GALNT13: variants seen among roughly 807,000 people sequenced by gnomAD.
GALNT13 encodes UDP-GalNAc:polypeptide N-acetylgalactosaminyltransferase 13.
A neutral mutation model predicts 64.2 loss-of-function variants in GALNT13; 28 were observed. The ratio of observed to expected loss-of-function variants is 0.44; its 90% CI spans 0.32 to 0.60. GALNT13 has a LOEUF of 0.60. Ranked by LOEUF, GALNT13 falls within the 20% of genes least tolerant of loss-of-function variation. The probability of loss-of-function intolerance (pLI) is 0.05; values close to 1 mark genes in which losing one functional copy is unlikely to be tolerated. For synonymous variants in GALNT13, 214 were observed against 224.6 expected, an observed-to-expected ratio of 0.95 and a Z score of 0.42; for missense variants, 577 against 669.8, an observed-to-expected ratio of 0.86 and a Z score of 1.53.
At chr2:153,563,540 C>T in the GALNT13 span, among the ~76,000 whole-genome samples, 20 of 152,062 alleles carry the variant, frequency 1.3e-4, no homozygotes, top group East Asian at 7.7e-4. Flanking sequence ...CTGTGTGGAG[C>T]GGGTCCGGGT....
chr2:153,618,379 T>G, the GALNT13 span, among the ~76,000 whole-genome samples: 3 of 151,900 alleles, frequency 2.0e-5, no homozygotes, highest in African/African-American at 7.2e-5. Context: ...ATTGTGATCA[T>G]AGAAGATGTT....
At chr2:154,199,224 A>T (rs1028951919) in intron 4 of GALNT13, among the ~76,000 whole-genome samples, 3 of 151,924 alleles carry the variant, frequency 2.0e-5, no homozygotes, top group African/African-American at 7.2e-5. Context: ...TCTCAGATTT[A>T]TATCTAAATT....
chr2:153,083,352 T>C, the GALNT13 span, among the ~76,000 whole-genome samples: 1 of 152,232 alleles, frequency 6.6e-6, no homozygotes, highest in Non-Finnish European at 1.5e-5. Flanking sequence ...TTTACATTTC[T>C]GCCAGTAATG....
chr2:153,565,956 GA>G, the GALNT13 span, among the ~76,000 whole-genome samples: 6 of 152,048 alleles, frequency 3.9e-5, no homozygotes, highest in African/African-American at 1.2e-4. Context: ...AATGTGTAGT[GA>G]AATAAATACA....
At chr2:154,250,823 T>C (rs1433924524) in intron 7 of GALNT13, among the ~76,000 whole-genome samples, 1 of 151,996 alleles carries the variant, frequency 6.6e-6, no homozygotes, top group African/African-American at 2.4e-5. Flanking sequence ...GAAATAGATA[T>C]CACCAAAGCC....
At chr2:154,106,901 G>A (rs921873968) in intron 3 of GALNT13, among the ~76,000 whole-genome samples, 1 of 152,160 alleles carries the variant, frequency 6.6e-6, no homozygotes, top group Non-Finnish European at 1.5e-5. Context: ...AGTGTTTTAG[G>A]TGAGGACTAA....
chr2:153,440,171 G>C, the GALNT13 span, among the ~76,000 whole-genome samples: 2 of 150,908 alleles, frequency 1.3e-5, no homozygotes, highest in Non-Finnish European at 1.5e-5. Context: ...TCATTGTTCA[G>C]CTCCCACTTA....
chr2:154,207,950 C>T (rs1174360120), intron 4 of GALNT13, among the ~76,000 whole-genome samples: 1 of 152,210 alleles, frequency 6.6e-6, no homozygotes, highest in African/African-American at 2.4e-5. Flanking sequence ...AATGTACCCT[C>T]TTCAGCATTA....
At chr2:153,562,357 T>C in the GALNT13 span, among the ~76,000 whole-genome samples, 1 of 152,092 alleles carries the variant, frequency 6.6e-6, no homozygotes, top group South Asian at 2.1e-4. Context: ...TTTATCCCTT[T>C]CCTCCAGGAT....
At chr2:153,809,417 G>A in the GALNT13 span, among the ~76,000 whole-genome samples, 1 of 152,134 alleles carries the variant, frequency 6.6e-6, no homozygotes, top group East Asian at 1.9e-4. Context: ...TCTCTTGGCT[G>A]TAAGATGGTT....
the GALNT13 span, among the ~76,000 whole-genome samples, chr2:153,544,320 C>G: frequency 6.6e-6 from 1 of 152,162 alleles, no homozygotes; most frequent in Non-Finnish European, 1.5e-5. Context: ...TATCCAGTGG[C>G]CATAACTTTC....
chr2:153,644,778 CA>C, the GALNT13 span, among the ~76,000 whole-genome samples: 6 of 151,980 alleles, frequency 3.9e-5, no homozygotes, highest in Admixed American at 1.3e-4. Context: ...AGGTAAAGTG[CA>C]TAAAAATTCT....
the GALNT13 span, among the ~76,000 whole-genome samples, chr2:153,250,588 T>A: frequency 4.6e-5 from 7 of 152,182 alleles, no homozygotes; most frequent in Non-Finnish European, 1.0e-4. Context: ...ACATGTATGT[T>A]TATTGCAGCA....
At chr2:153,491,785 T>C in the GALNT13 span, among the ~76,000 whole-genome samples, 1 of 152,006 alleles carries the variant, frequency 6.6e-6, no homozygotes, top group Non-Finnish European at 1.5e-5. Context: ...CGTGCCCAAC[T>C]AATTTTTGTA....
chr2:153,445,274 G>A, the GALNT13 span, among the ~76,000 whole-genome samples: 1 of 152,142 alleles, frequency 6.6e-6, no homozygotes. Context: ...TTCCCCATAT[G>A]AGAAGTCTAA....
chr2:153,876,323 T>C (rs1353291822), intron 1 of GALNT13, among the ~76,000 whole-genome samples: 1 of 152,166 alleles, frequency 6.6e-6, no homozygotes, highest in African/African-American at 2.4e-5. Flanking sequence ...CATTTATTAT[T>C]TTATCAGATT....
At chr2:153,756,107 T>G in the GALNT13 span, among the ~76,000 whole-genome samples, 1 of 152,142 alleles carries the variant, frequency 6.6e-6, no homozygotes, top group African/African-American at 2.4e-5. Flanking sequence ...ACACATTATG[T>G]CTTTCTTACC....
intron 4 of GALNT13, among the ~76,000 whole-genome samples, chr2:154,146,738 G>A (rs1683625432): frequency 6.6e-6 from 1 of 152,034 alleles, no homozygotes; most frequent in Admixed American, 6.6e-5. Context: ...GTCAGGATAA[G>A]CCAGCATAAA....
At chr2:153,342,606 T>C in the GALNT13 span, among the ~76,000 whole-genome samples, 4 of 152,184 alleles carry the variant, frequency 2.6e-5, no homozygotes, top group African/African-American at 7.2e-5. Context: ...TACAAAGATA[T>C]GGGGGATGAG....
Sources: allele counts gnomAD v4.1 joint callset (sites outside exome capture counted in the v4.1 genomes callset), GRCh38; gene constraint gnomAD v4.1.1; transcripts MANE v1.5; gene names NCBI Gene and HGNC (gene_info 2026-07-23, HGNC 2026-07-21).